The following TNKS variants were observed in gnomAD, a reference collection of about 807,000 sequenced individuals.
TNKS encodes poly [ADP-ribose] polymerase tankyrase-1.
A neutral mutation model predicts 135.8 loss-of-function variants in TNKS; 72 were observed. That is an observed-to-expected ratio of 0.53 (90% CI 0.44 to 0.64). The LOEUF is 0.64. TNKS is among the 30% of genes least tolerant of loss of function. The pLI, the probability that TNKS is intolerant of heterozygous loss-of-function variation, is 0.00. For missense variants in TNKS, 1,769 were observed against 1,674.0 expected, an observed-to-expected ratio of 1.06 and a Z score of -0.99; for synonymous variants, 849 against 649.3, an observed-to-expected ratio of 1.31 and a Z score of -4.68.
chr8:9,695,859 G>A (rs1163572659), intron 5 of TNKS, among the ~76,000 whole-genome samples: 1 of 152,180 alleles, frequency 6.6e-6, no homozygotes, highest in African/African-American at 2.4e-5. Flanking sequence ...GACTCCCAAA[G>A]TTTTTGGCCT....
At chr8:9,679,898 C>G (rs371241463) in intron 3 of TNKS, 53 bp from the exon 4 acceptor site, 5 of 1,464,514 alleles carry the variant, frequency 3.4e-6, no homozygotes, top group Admixed American at 1.7e-5. Flanking sequence ...TACTGCATTT[C>G]TTAATCTGTC....
intron 2 of TNKS, among the ~76,000 whole-genome samples, chr8:9,587,246 A>G (rs2129054848): frequency 1.3e-5 from 2 of 152,254 alleles, no homozygotes; most frequent in Admixed American, 1.3e-4. Context: ...ATATAATTTC[A>G]GATGGATTCA....
chr8:9,644,184 A>T (rs1231980230), intron 3 of TNKS, among the ~76,000 whole-genome samples: 1 of 152,194 alleles, frequency 6.6e-6, no homozygotes. Flanking sequence ...AGTGCTGTGA[A>T]TGGATCTTGG....
chr8:9,742,684 C>A (rs1806030208), intron 17 of TNKS, among the ~76,000 whole-genome samples: 1 of 147,580 alleles, frequency 6.8e-6, no homozygotes, highest in East Asian at 2.0e-4. Context: ...ATAGTGAGAC[C>A]CTATCTCTAT....
intron 3 of TNKS, among the ~76,000 whole-genome samples, chr8:9,637,058 A>G (rs1800539894): frequency 6.6e-6 from 1 of 152,234 alleles, no homozygotes. Context: ...AGAAGAATAC[A>G]GTGAAGAATA....
intron 3 of TNKS, 34 bp from the exon 4 acceptor site, chr8:9,679,917 A>C (rs6985140): frequency 1.9e-6 from 3 of 1,588,798 alleles, no homozygotes; most frequent in Admixed American, 1.7e-5. Flanking sequence ...TCTTCTGCCA[A>C]ATGCTAACAG....
At chr8:9,576,116 A>G (rs894339074) in intron 1 of TNKS, among the ~76,000 whole-genome samples, 5 of 152,136 alleles carry the variant, frequency 3.3e-5, no homozygotes, top group African/African-American at 9.7e-5. Context: ...AGCAGAATGA[A>G]ATTACCTGAT....
At chr8:9,605,694 C>G (rs1452687426) in intron 2 of TNKS, among the ~76,000 whole-genome samples, 2 of 151,988 alleles carry the variant, frequency 1.3e-5, no homozygotes, top group Non-Finnish European at 2.9e-5. Flanking sequence ...TTTCTGTTGA[C>G]TAATAATGTT....
At chr8:9,582,578 A>G (rs896425313) in intron 2 of TNKS, among the ~76,000 whole-genome samples, 1 of 152,224 alleles carries the variant, frequency 6.6e-6, no homozygotes, top group Non-Finnish European at 1.5e-5. Flanking sequence ...CTCCAGGCTT[A>G]TACCCTGACC....
chr8:9,650,828 T>C (rs1337317163), intron 3 of TNKS, among the ~76,000 whole-genome samples: 2 of 152,194 alleles, frequency 1.3e-5, no homozygotes, highest in African/African-American at 4.8e-5. Context: ...TAATTAGGTC[T>C]CATTTATTTA....
intron 23 of TNKS, 139 bp downstream of exon 23, chr8:9,764,929 A>C (rs1021825098): frequency 7.3e-6 from 4 of 548,044 alleles, no homozygotes; most frequent in African/African-American, 2.0e-5. Context: ...GTCAGATAGC[A>C]CTCTTCTCAC....
chr8:9,766,194 T>C, intron 24 of TNKS, 45 bp from the exon 25 acceptor site: 1 of 1,541,104 alleles, frequency 6.5e-7, no homozygotes, highest in Non-Finnish European at 8.8e-7. Flanking sequence ...ATTGAGCTTC[T>C]AGAAAAGTGT....
chr8:9,775,945 T>C (rs547720591), intron 26 of TNKS, among the ~76,000 whole-genome samples: 8 of 152,120 alleles, frequency 5.3e-5, no homozygotes, highest in Admixed American at 2.6e-4. Context: ...CTGCCTTCAC[T>C]GCAATTTCTG....
At position 9,699,720 on chromosome 8, in the gene TNKS, C is replaced by T. The variant is rs1803706347; in HGVS notation, c.1108-4943C>T. On this transcript the variant is annotated intron_variant, in intron 5 of 26. Transcript: ENST00000310430. ...CTTTGCTGACAGCGTCATCATTTCT[C>T]TCTTGGATTAGTCCTGTACCCTTCT... Among the ~76,000 whole-genome samples the T allele has an allele frequency of 2.6e-5, 4 of 152,358 alleles. No individual in the cohort carries two copies. In the South Asian group the frequency reaches 8.3e-4, roughly 32 times the overall value.
chr8:9,735,610 C>A (rs1485530096), intron 17 of TNKS, 124 bp downstream of exon 17: 5 of 731,856 alleles, frequency 6.8e-6, no homozygotes, highest in Non-Finnish European at 1.2e-5. Flanking sequence ...ACAATCCTGG[C>A]TAACACGGTG....
intron 21 of TNKS, among the ~76,000 whole-genome samples, chr8:9,762,506 CTT>C (rs67581048): frequency 1.3e-5 from 2 of 151,366 alleles, no homozygotes; most frequent in Admixed American, 6.6e-5. Flanking sequence ...GCCTGTTTTT[CTT>C]TTTTTTTGTG....
At chr8:9,584,889 A>C (rs1233657341) in intron 2 of TNKS, among the ~76,000 whole-genome samples, 1 of 152,196 alleles carries the variant, frequency 6.6e-6, no homozygotes, top group Non-Finnish European at 1.5e-5. Flanking sequence ...AAGATAACAG[A>C]GGTGTATGGT....
intron 1 of TNKS, chr8:9,574,896 C>G: frequency 3.1e-6 from 1 of 317,964 alleles, no homozygotes. Context: ...CTCACTCTCC[C>G]TTCTTGTCTG....
chr8:9,560,932 C>T (rs1797303507), intron 1 of TNKS, among the ~76,000 whole-genome samples: 1 of 152,018 alleles, frequency 6.6e-6, no homozygotes, highest in Non-Finnish European at 1.5e-5. Context: ...CTCAATGATA[C>T]TGCTCTTTGG....
Sources: allele counts gnomAD v4.1 joint callset (sites outside exome capture counted in the v4.1 genomes callset), GRCh38; gene constraint gnomAD v4.1.1; transcripts MANE v1.5; gene names NCBI Gene and HGNC (gene_info 2026-07-23, HGNC 2026-07-21).